The following CAPN3 variants were observed in gnomAD, a reference collection of about 807,000 sequenced individuals.
CAPN3 encodes the protein calpain-3.
A neutral mutation model predicts 114.0 loss-of-function variants in CAPN3; 88 were observed. The observed-to-expected ratio is 0.77, with a 90% CI of 0.65 to 0.92. The LOEUF (loss-of-function observed/expected upper bound fraction) is 0.92, where lower values mean the gene tolerates loss of function less well. CAPN3 is among the 40% of genes least tolerant of loss of function. CAPN3 has a pLI of 0.00. For missense variants in CAPN3, 1,028 were observed against 1,069.0 expected (o/e 0.96, Z 0.53); for synonymous variants, 386 against 382.9 (o/e 1.01, Z -0.09).
At chr15:42,361,898 C>G (rs2052653469) in intron 1 of CAPN3, among the ~76,000 whole-genome samples, 1 of 152,206 alleles carries the variant, frequency 6.6e-6, no homozygotes, top group Non-Finnish European at 1.5e-5. Flanking sequence ...TTGTTCCTAT[C>G]TGAACCTCTG....
At chr15:42,390,219 A>C in intron 6 of CAPN3, 123 bp downstream of exon 6, 1 of 1,110,544 alleles carries the variant, frequency 9.0e-7, no homozygotes, top group East Asian at 2.4e-5. Context: ...GGCACCTCCC[A>C]AGGGTCTGGG....
chr15:42,372,885 G>A (rs371436764), intron 1 of CAPN3, among the ~76,000 whole-genome samples: 46 of 150,334 alleles, frequency 3.1e-4, no homozygotes, highest in African/African-American at 1.1e-3. Context: ...TATTTACCCT[G>A]TAATGCCAAA....
At chr15:42,366,388 C>T (rs1161803639) in intron 1 of CAPN3, among the ~76,000 whole-genome samples, 1 of 152,138 alleles carries the variant, frequency 6.6e-6, no homozygotes, top group African/African-American at 2.4e-5. Flanking sequence ...TCCTCATCAT[C>T]CAGGCAGAAC....
intron 1 of CAPN3, among the ~76,000 whole-genome samples, chr15:42,380,733 A>ATG (rs1415495602): frequency 1.7e-5 from 1 of 57,852 alleles, no homozygotes; most frequent in Non-Finnish European, 3.3e-5. Context: ...TTCCCCATAT[A>ATG]TATATATATA....
At chr15:42,386,698 C>G (rs1348205619) in intron 3 of CAPN3, among the ~76,000 whole-genome samples, 1 of 152,160 alleles carries the variant, frequency 6.6e-6, no homozygotes, top group Admixed American at 6.5e-5. Context: ...CATGGCGGTA[C>G]CAAGGCTATC....
chr15:42,375,634 A>C (rs1165036630), intron 1 of CAPN3, among the ~76,000 whole-genome samples: 1 of 152,170 alleles, frequency 6.6e-6, no homozygotes. Context: ...AACTATTAGA[A>C]GTATTTATAT....
intron 13 of CAPN3, 52 bp downstream of exon 13, chr15:42,403,054 C>T: frequency 6.7e-7 from 1 of 1,498,284 alleles, no homozygotes; most frequent in Non-Finnish European, 9.3e-7. Flanking sequence ...ACATGGCCCA[C>T]TCCAGAGGTT....
chr15:42,362,438 G>C (rs112669731), intron 1 of CAPN3, among the ~76,000 whole-genome samples: 4,165 of 152,060 alleles, frequency 0.027, 179 homozygotes, highest in African/African-American at 0.084. Context: ...TGAAATGAGG[G>C]GTGCAGAAGA....
chr15:42,406,269 A>T (rs945126114), intron 15 of CAPN3, among the ~76,000 whole-genome samples: 2 of 152,220 alleles, frequency 1.3e-5, no homozygotes, highest in Non-Finnish European at 2.9e-5. Flanking sequence ...AAGGCCACAC[A>T]GCCAGAGAGG....
Position 42,409,950 on chromosome 15 carries a change from C to T in CAPN3, c.2070C>T (p.His690=), listed in dbSNP as rs560701241. The stretch of plus-strand genomic sequence containing the variant: ...CCCCAGACAAGGACCTGAAGACACA[C>T]GGGTTCACACTGGAGTCCTGCCGTA... ...VVNKHKDLKT[H]GFTLESCRSM... is the part of the protein sequence containing the mutation. Residue 690 remains histidine, a synonymous_variant, in exon 19 of 24, where the codon CAC becomes CAT. Coordinates refer to ENST00000397163, the MANE Select transcript of CAPN3 (RefSeq NM_000070.3). 45 of 1,612,382 alleles carry T rather than the reference C, an allele frequency of 2.8e-5. No homozygotes were observed. The East Asian group carries it at 7.8e-4, about 28-fold the overall frequency.
chr15:42,391,219 C>CT (rs1271334009), intron 6 of CAPN3, among the ~76,000 whole-genome samples: 2 of 152,070 alleles, frequency 1.3e-5, no homozygotes, highest in African/African-American at 2.4e-5. Context: ...AAGTTGAGTT[C>CT]TTTTTTTTCT....
chr15:42,405,333 G>A (rs371011151), intron 14 of CAPN3, among the ~76,000 whole-genome samples: 44 of 151,884 alleles, frequency 2.9e-4, no homozygotes, highest in African/African-American at 8.5e-4. Context: ...TTTTTGAGAC[G>A]GAGTTTCACT....
At position 42,411,350 on chromosome 15, in the gene CAPN3, A is replaced by T. The variant is rs1261827494; in HGVS notation, c.2439+5A>T. 1.2e-6 allele frequency: 2 copies of T among 1,613,502 alleles called. No individual in the cohort carries two copies. The highest frequency in any genetic ancestry group is 1.7e-6 in the Non-Finnish European group (2 of 1,179,538). Reference sequence around the variant, plus strand: ...ATCAAGCTCAACGTTCTGGAGGTAAAGCATAGGCACAGCACATTCCCCCTA... The same window carrying T: ...ATCAAGCTCAACGTTCTGGAGGTAATGCATAGGCACAGCACATTCCCCCTA... On this transcript the variant is annotated splice_donor_5th_base_variant and intron_variant, in intron 23 of 23. Coordinates refer to ENST00000397163, the MANE Select transcript of CAPN3 (RefSeq NM_000070.3).
intron 9 of CAPN3, among the ~76,000 whole-genome samples, chr15:42,398,214 A>G (rs959333232): frequency 2.0e-5 from 3 of 152,092 alleles, no homozygotes; most frequent in Non-Finnish European, 4.4e-5. Flanking sequence ...AATTAGGGTA[A>G]TTGAGATACC....
chr15:42,386,543 G>T (rs2053412576), intron 3 of CAPN3, among the ~76,000 whole-genome samples: 1 of 152,080 alleles, frequency 6.6e-6, no homozygotes, highest in South Asian at 2.1e-4. Flanking sequence ...GTCTATTTTT[G>T]TCTTTGCAGC....
intron 1 of CAPN3, among the ~76,000 whole-genome samples, chr15:42,375,420 GA>G: frequency 6.6e-6 from 1 of 152,086 alleles, no homozygotes. Flanking sequence ...GCGCAACCGA[GA>G]AGCCCCTTGT....
At position 42,410,602 on chromosome 15, in the gene CAPN3, C is replaced by T. The variant is rs1163171530; in HGVS notation, c.2199C>T (p.His733=). 2.5e-6 allele frequency: 4 copies of T among 1,614,026 alleles called. No individual in the cohort carries two copies. The Admixed American group carries it at 5.0e-5, about 20-fold the overall frequency. The change falls in exon 21 of 24, where the codon CAC becomes CAT. Residue 733 remains histidine, a synonymous_variant. Coordinates refer to ENST00000397163, the MANE Select transcript of CAPN3 (RefSeq NM_000070.3). Reference sequence around the variant, plus strand: ...TCTATTGCCAGAAAATTTTCAAACACTATGACACAGACCAGTCCGGCACCA... The same window carrying T: ...TCTATTGCCAGAAAATTTTCAAACATTATGACACAGACCAGTCCGGCACCA... ...KIKAWQKIFK[H]YDTDQSGTIN...
At chr15:42,411,249 G>A (rs376855651) in intron 22 of CAPN3, 38 bp from the exon 23 acceptor site, 29 of 1,568,576 alleles carry the variant, frequency 1.8e-5, no homozygotes, top group South Asian at 1.2e-4. Flanking sequence ...GGCGGAGTGC[G>A]CCTGTAACTG....
chr15:42,404,070 CAA>C (rs2053951407), intron 14 of CAPN3: 1 of 546,628 alleles, frequency 1.8e-6, no homozygotes, highest in Non-Finnish European at 3.5e-6. Context: ...GAAGGGATGA[CAA>C]GAGCCGCAGC....
Sources: allele counts gnomAD v4.1 joint callset (sites outside exome capture counted in the v4.1 genomes callset), GRCh38; gene constraint gnomAD v4.1.1; transcripts MANE v1.5; gene names NCBI Gene and HGNC (gene_info 2026-07-23, HGNC 2026-07-21).